Variants in TBL1XR1 observed in about 807,000 individuals in gnomAD.
TBL1XR1 encodes the protein F-box-like/WD repeat-containing protein TBL1XR1.
Under a neutral mutation model 66.9 loss-of-function variants are expected in TBL1XR1, and 5 were observed. The observed-to-expected ratio is 0.07, with a 90% CI of 0.04 to 0.16. The LOEUF is 0.16. Among genes scored for constraint, TBL1XR1 ranks in the 10% least tolerant of loss-of-function variants. The pLI is 1.00. For missense variants in TBL1XR1, 238 were observed against 623.2 expected (o/e 0.38, Z 6.58); for synonymous variants, 210 against 206.0 (o/e 1.02, Z -0.17).
chr3:177,078,588 C>CAA (rs5854738), intron 2 of TBL1XR1: 169 of 135,998 alleles, frequency 1.2e-3, no homozygotes, highest in East Asian at 5.1e-3. Flanking sequence ...ACCCCCATCT[C>CAA]AAAAAAAAAA....
chr3:177,168,426 C>T (rs1733086681), intron 1 of TBL1XR1, among the ~76,000 whole-genome samples: 2 of 152,200 alleles, frequency 1.3e-5, no homozygotes, highest in Non-Finnish European at 1.5e-5. Context: ...GGATTACAGG[C>T]ACCCGACACC....
intron 1 of TBL1XR1, among the ~76,000 whole-genome samples, chr3:177,173,447 A>G (rs1383636930): frequency 1.3e-5 from 2 of 152,170 alleles, no homozygotes; most frequent in South Asian, 2.1e-4. Flanking sequence ...AAATATACCA[A>G]TAAGTGTCCC....
chr3:177,166,744 A>T (rs1732869530), intron 1 of TBL1XR1, among the ~76,000 whole-genome samples: 1 of 152,212 alleles, frequency 6.6e-6, no homozygotes, highest in Non-Finnish European at 1.5e-5. Context: ...GCAGTGTGAG[A>T]ATGGACTTAC....
chr3:177,099,357 G>C (rs1723906036), intron 1 of TBL1XR1: 1 of 152,432 alleles, frequency 6.6e-6, no homozygotes, highest in South Asian at 2.1e-4. Context: ...ACAACAGCGA[G>C]ACTTTGTCTC....
chr3:177,043,677 G>A (rs1455587217), intron 10 of TBL1XR1, among the ~76,000 whole-genome samples: 3 of 151,906 alleles, frequency 2.0e-5, no homozygotes, highest in African/African-American at 7.3e-5. Context: ...TTAATATTTA[G>A]GCCATTTACA....
chr3:177,073,996 C>T (rs551857181), intron 2 of TBL1XR1, among the ~76,000 whole-genome samples: 48 of 152,300 alleles, frequency 3.2e-4, no homozygotes, highest in African/African-American at 1.1e-3. Context: ...CATGGGGTAG[C>T]GTTCTTTACC....
intron 1 of TBL1XR1, among the ~76,000 whole-genome samples, chr3:177,170,007 T>G (rs1733272864): frequency 6.6e-6 from 1 of 152,164 alleles, no homozygotes. Flanking sequence ...GCAGTCTGTG[T>G]TTTAACAAGC....
At chr3:177,032,854 C>T in intron 14 of TBL1XR1, 117 bp downstream of exon 14, 1 of 838,056 alleles carries the variant, frequency 1.2e-6, no homozygotes, top group East Asian at 3.2e-5. Context: ...ATTTTAAAAC[C>T]AATAATTCAA....
intron 15 of TBL1XR1, 48 bp downstream of exon 15, chr3:177,026,325 T>A (rs1713119783): frequency 7.0e-7 from 1 of 1,423,968 alleles, no homozygotes; most frequent in Non-Finnish European, 9.8e-7. Context: ...TGCATTCTGA[T>A]GTGAATACCC....
Position 177,051,535 on chromosome 3 carries a change from A to G in TBL1XR1, c.396T>C (p.Asn132=), listed in dbSNP as rs930714302. Reference sequence around the variant, plus strand: ...TAGTATGTGCTCCATTCTCCTCCCCATTTGCTGTGTTTTCTCCATTTTTTG... The same window carrying G: ...TAGTATGTGCTCCATTCTCCTCCCCGTTTGCTGTGTTTTCTCCATTTTTTG... ...GSAKNGENTA[N]GEENGAHTIA... The change falls in exon 5 of 16, where the codon AAT becomes AAC. Residue 132 remains asparagine (N), a synonymous_variant. Transcript: ENST00000457928. 6.8e-6 allele frequency: 11 copies of G among 1,612,952 alleles called. No homozygotes were observed. Among genetic ancestry groups the G allele is most frequent in the African/African-American group, 2.7e-5 (2 of 74,734 alleles).
chr3:177,131,431 A>G, intron 1 of TBL1XR1: 1 of 978,818 alleles, frequency 1.0e-6, no homozygotes, highest in South Asian at 4.7e-5. Flanking sequence ...TGGTCTTCCA[A>G]AGATACTTAT....
At chr3:177,090,327 T>A (rs972097297) in intron 2 of TBL1XR1, among the ~76,000 whole-genome samples, 1 of 152,060 alleles carries the variant, frequency 6.6e-6, no homozygotes, top group Non-Finnish European at 1.5e-5. Context: ...TTCCTATGAT[T>A]ATAAAACAAA....
In TBL1XR1 at chr3:177,053,662, T is replaced by C. The variant is rs1717409888; in HGVS notation, c.204+111A>G. 8.3e-6 allele frequency: 9 copies of C among 1,086,270 alleles called. No individual in the cohort carries two copies. The South Asian group carries it at 1.3e-4, about 16-fold the overall frequency. 67.3% of individuals were successfully genotyped at this position (1,086,270 alleles called of 1,614,324 possible). A position where few individuals can be genotyped will look rare whatever the true frequency, so the allele number is the denominator to read the frequency against. On this transcript the variant is annotated intron_variant, in intron 4 of 15. Coordinates refer to ENST00000457928, the MANE Select transcript of TBL1XR1 (RefSeq NM_024665.7). The stretch of plus-strand genomic sequence containing the variant: ...CATTAGGGATGAACTGCCTGCACTT[T>C]TGTTAACCCTGTGAAGCTAAAGTCA...
At chr3:177,081,826 G>C (rs983129940) in intron 2 of TBL1XR1, among the ~76,000 whole-genome samples, 1 of 151,318 alleles carries the variant, frequency 6.6e-6, no homozygotes, top group African/African-American at 2.4e-5. Context: ...TCTTTAGTCA[G>C]TATAATTACA....
In TBL1XR1 at chr3:177,097,039, CAG is replaced by C. The variant is rs1314841527; in HGVS notation, c.-46+1425_-46+1426del. On this transcript the variant is annotated intron_variant, in intron 2 of 15. Transcript: ENST00000457928. ...CAATAGGAATTCAGAAGAGTTTAAA[CAG>C]AGAAAATCCTCCTATCAACATACTG... Among the ~76,000 whole-genome samples the C allele has an allele frequency of 3.3e-5, 5 of 152,102 alleles. No individual in the cohort carries two copies. In the East Asian group the frequency reaches 9.6e-4, roughly 29 times the overall value.
chr3:177,183,841 C>T (rs1735105456), intron 1 of TBL1XR1, among the ~76,000 whole-genome samples: 1 of 151,998 alleles, frequency 6.6e-6, no homozygotes, highest in Admixed American at 6.6e-5. Context: ...GTGGCTCACG[C>T]CTGTAATCCC....
chr3:177,085,620 AT>A (rs1281049136), intron 2 of TBL1XR1, among the ~76,000 whole-genome samples: 2 of 152,234 alleles, frequency 1.3e-5, no homozygotes, highest in African/African-American at 4.8e-5. Context: ...GACTGAAAAA[AT>A]ATGGGAAAAA....
intron 1 of TBL1XR1, among the ~76,000 whole-genome samples, chr3:177,155,030 A>T (rs899387876): frequency 6.6e-6 from 1 of 152,196 alleles, no homozygotes; most frequent in Non-Finnish European, 1.5e-5. Context: ...AGGCTCAAAG[A>T]AGAAATCACA....
chr3:177,108,872 A>G (rs1388404121), intron 1 of TBL1XR1, among the ~76,000 whole-genome samples: 1 of 152,158 alleles, frequency 6.6e-6, no homozygotes, highest in South Asian at 2.1e-4. Flanking sequence ...AAGAAACAGA[A>G]AACACTGGCC....
Sources: gnomAD v4.1 joint callset for allele counts (sites outside exome capture counted in the v4.1 genomes callset) on GRCh38, gnomAD v4.1.1 for gene constraint, MANE v1.5 for transcripts, NCBI Gene and HGNC (gene_info 2026-07-23, HGNC 2026-07-21) for gene names.